CSMD1: variants seen among roughly 807,000 people sequenced by gnomAD.
CSMD1 encodes the protein CUB and sushi domain-containing protein 1.
CSMD1 carries 213 observed loss-of-function variants against 417.5 expected under a neutral mutation model. That is an observed-to-expected ratio of 0.51 (90% CI 0.46 to 0.57). The LOEUF is 0.57. Among genes scored for constraint, CSMD1 ranks in the 20% least tolerant of loss-of-function variants. The probability of loss-of-function intolerance (pLI) is 0.00; values close to 1 mark genes in which losing one functional copy is unlikely to be tolerated. For missense variants in CSMD1, 6,923 were observed against 4,529.7 expected, an observed-to-expected ratio of 1.53 and a Z score of -15.17; for synonymous variants, 2,862 against 1,736.8, an observed-to-expected ratio of 1.65 and a Z score of -16.11.
chr8:3,939,566 A>T (rs892382197), intron 5 of CSMD1, among the ~76,000 whole-genome samples: 4 of 152,164 alleles, frequency 2.6e-5, no homozygotes, highest in African/African-American at 7.2e-5. Flanking sequence ...CACATGCACA[A>T]GCATGTTTAT....
chr8:4,227,821 A>C (rs1801450124), intron 3 of CSMD1, among the ~76,000 whole-genome samples: 1 of 149,736 alleles, frequency 6.7e-6, no homozygotes, highest in African/African-American at 2.5e-5. Flanking sequence ...ACACCAGGAG[A>C]CATACTCTCC....
intron 8 of CSMD1, among the ~76,000 whole-genome samples, chr8:3,610,919 T>A (rs968190068): frequency 6.6e-6 from 1 of 151,970 alleles, no homozygotes. Context: ...TGGGAAAAAC[T>A]GATGGCGATT....
intron 3 of CSMD1, among the ~76,000 whole-genome samples, chr8:4,169,947 G>T (rs529258926): frequency 6.7e-6 from 1 of 149,850 alleles, no homozygotes; most frequent in Non-Finnish European, 1.5e-5. Flanking sequence ...ATTTTGGCTT[G>T]CGTGTGTGTT....
intron 1 of CSMD1, among the ~76,000 whole-genome samples, chr8:4,879,715 C>T (rs1166666280): frequency 6.6e-6 from 1 of 151,954 alleles, no homozygotes; most frequent in African/African-American, 2.4e-5. Context: ...AAAAAAAGTG[C>T]TATTAGAAAG....
chr8:3,325,232 G>C (rs746128835), intron 23 of CSMD1, among the ~76,000 whole-genome samples: 1 of 152,144 alleles, frequency 6.6e-6, no homozygotes, highest in Non-Finnish European at 1.5e-5. Context: ...TCCTACAAAT[G>C]AACCTTGCAA....
At chr8:3,501,482 A>C (rs1163868113) in intron 10 of CSMD1, among the ~76,000 whole-genome samples, 2 of 152,354 alleles carry the variant, frequency 1.3e-5, no homozygotes, top group Non-Finnish European at 2.9e-5. Context: ...CTGACAGCAC[A>C]ATATAAATCA....
intron 7 of CSMD1, among the ~76,000 whole-genome samples, chr8:3,655,450 C>G (rs562665190): frequency 3.9e-5 from 6 of 152,128 alleles, no homozygotes; most frequent in Non-Finnish European, 7.3e-5. Context: ...TTTCATTACT[C>G]TACATAATTA....
intron 7 of CSMD1, among the ~76,000 whole-genome samples, chr8:3,653,837 A>G (rs1797976483): frequency 1.3e-5 from 2 of 152,192 alleles, no homozygotes; most frequent in African/African-American, 2.4e-5. Flanking sequence ...ATTTAAATAT[A>G]TATATTTATC....
intron 7 of CSMD1, among the ~76,000 whole-genome samples, chr8:3,668,826 G>A (rs1798836560): frequency 6.6e-6 from 1 of 152,162 alleles, no homozygotes; most frequent in Non-Finnish European, 1.5e-5. Context: ...GTTAAGTAAA[G>A]TTATAGAATG....
chr8:3,002,144 T>A (rs1466309426), intron 52 of CSMD1, among the ~76,000 whole-genome samples: 1 of 152,148 alleles, frequency 6.6e-6, no homozygotes, highest in Non-Finnish European at 1.5e-5. Context: ...TTCTGGTGAT[T>A]TGTCCCAATC....
chr8:3,560,071 C>G (rs1799404440), intron 10 of CSMD1, among the ~76,000 whole-genome samples: 2 of 152,002 alleles, frequency 1.3e-5, no homozygotes. Flanking sequence ...TTTTCTGGAT[C>G]TGTTCACTAG....
intron 12 of CSMD1, among the ~76,000 whole-genome samples, chr8:3,436,021 G>A (rs908029189): frequency 1.3e-5 from 2 of 152,112 alleles, no homozygotes; most frequent in African/African-American, 4.8e-5. Context: ...CAGCTACCCA[G>A]GTGGGCAGCT....
chr8:3,341,375 C>T (rs921955226), intron 23 of CSMD1, among the ~76,000 whole-genome samples: 2 of 152,182 alleles, frequency 1.3e-5, no homozygotes, highest in South Asian at 4.1e-4. Flanking sequence ...ATGCATAAAT[C>T]TTCTTCTGGA....
chr8:3,739,451 CCG>C (rs1796685284), intron 6 of CSMD1, among the ~76,000 whole-genome samples: 1 of 152,058 alleles, frequency 6.6e-6, no homozygotes, highest in Non-Finnish European at 1.5e-5. Flanking sequence ...AGTGATGCAC[CCG>C]TTAATTACTC....
intron 33 of CSMD1, among the ~76,000 whole-genome samples, chr8:3,190,671 G>A (rs1796361885): frequency 6.6e-6 from 1 of 152,144 alleles, no homozygotes; most frequent in South Asian, 2.1e-4. Context: ...GGATCCCAGA[G>A]AAAAATCGGT....
At chr8:4,601,202 C>T (rs182289416) in intron 2 of CSMD1, among the ~76,000 whole-genome samples, 4 of 152,262 alleles carry the variant, frequency 2.6e-5, no homozygotes, top group South Asian at 2.1e-4. Context: ...TGATCCCCCA[C>T]ACTTTGGCCG....
chr8:3,102,540 G>C (rs781370691), intron 46 of CSMD1, among the ~76,000 whole-genome samples: 7 of 152,174 alleles, frequency 4.6e-5, no homozygotes, highest in Non-Finnish European at 1.0e-4. Context: ...CTCATGTTGT[G>C]TTGATTTAGA....
chr8:4,207,728 A>G (rs982552762), intron 3 of CSMD1, among the ~76,000 whole-genome samples: 8 of 152,094 alleles, frequency 5.3e-5, no homozygotes, highest in Non-Finnish European at 1.0e-4. Flanking sequence ...TAATAGCAAA[A>G]TAACAGTAGA....
chr8:4,130,451 G>T (rs1229806014), intron 3 of CSMD1, among the ~76,000 whole-genome samples: 2 of 152,014 alleles, frequency 1.3e-5, no homozygotes, highest in Non-Finnish European at 2.9e-5. Flanking sequence ...AAAATTTCTG[G>T]TTCTGCCAAT....
Sources: allele counts gnomAD v4.1 joint callset (sites outside exome capture counted in the v4.1 genomes callset), GRCh38; gene constraint gnomAD v4.1.1; transcripts MANE v1.5; gene names NCBI Gene and HGNC (gene_info 2026-07-23, HGNC 2026-07-21).